Variants in PIAS4 observed in about 807,000 individuals in gnomAD.
PIAS4 encodes the protein protein inhibitor of activated STAT 4.
PIAS4 carries 7 observed loss-of-function variants against 58.0 expected under a neutral mutation model. The ratio of observed to expected loss-of-function variants is 0.12; its 90% confidence interval spans 0.07 to 0.23. The LOEUF (loss-of-function observed/expected upper bound fraction) is 0.23, where lower values mean the gene tolerates loss of function less well. PIAS4 is among the 10% of genes least tolerant of loss of function. The pLI, the probability that PIAS4 is intolerant of heterozygous loss-of-function variation, is 1.00. For synonymous variants in PIAS4, 364 were observed against 312.4 expected, an observed-to-expected ratio of 1.17 and a Z score of -1.74; for missense variants, 550 against 709.5, an observed-to-expected ratio of 0.78 and a Z score of 2.55.
At chr19:4,017,679 G>A (rs1186075900) in intron 2 of PIAS4, 1 of 82,364 alleles carries the variant, frequency 1.2e-5, no homozygotes, top group Non-Finnish European at 2.3e-5. Flanking sequence ...CATCCGATCA[G>A]CTTTTTTTTT....
intron 2 of PIAS4, chr19:4,018,350 C>T (rs1228917293): frequency 6.6e-6 from 1 of 152,246 alleles, no homozygotes; most frequent in Admixed American, 6.5e-5. Flanking sequence ...ATACTGTGAG[C>T]ATCTGCTCAC....
intron 6 of PIAS4, 38 bp from the exon 7 acceptor site, chr19:4,028,893 C>T (rs374902045): frequency 5.0e-6 from 8 of 1,612,464 alleles, no homozygotes; most frequent in Non-Finnish European, 6.8e-6. Flanking sequence ...AACCCCGGCC[C>T]CGTCCTGCCA....
chr19:4,011,625 C>CGTGTGGAGGTGTGTTTG (rs1324336848), intron 1 of PIAS4, among the ~76,000 whole-genome samples: 13 of 150,910 alleles, frequency 8.6e-5, no homozygotes, highest in Admixed American at 4.0e-4. Context: ...CTCAGGGCAA[C>CGTGTGGAGGTGTGTTTG]GTGTGGAGGT....
intron 3 of PIAS4, among the ~76,000 whole-genome samples, chr19:4,027,143 C>T (rs1178280751): frequency 6.6e-6 from 1 of 152,084 alleles, no homozygotes; most frequent in Non-Finnish European, 1.5e-5. Flanking sequence ...TGAGCCACTG[C>T]ACCTGGCCTA....
intron 9 of PIAS4, among the ~76,000 whole-genome samples, chr19:4,035,271 T>C (rs2040262827): frequency 6.6e-6 from 1 of 152,076 alleles, no homozygotes; most frequent in Non-Finnish European, 1.5e-5. Flanking sequence ...GGAGCAGCTG[T>C]AGCCTTGACA....
rs973842956 is a variant in PIAS4 at position 4,022,512 on chromosome 19, G to A, written c.455-1524G>A. 3.3e-5 allele frequency among the ~76,000 whole-genome samples: 5 copies of A among 151,736 alleles called. No homozygotes were observed. The East Asian group carries it at 5.9e-4, about 18-fold the overall frequency. Reference sequence around the variant, plus strand: ...CTCCCTAGTAGCTGGGACTGCAGGCGCCTGCCACTACACCCAGCTAATTTT... The same window carrying A: ...CTCCCTAGTAGCTGGGACTGCAGGCACCTGCCACTACACCCAGCTAATTTT... On this transcript the variant is annotated intron_variant, in intron 2 of 10. Transcript: ENST00000262971.
Position 4,033,738 on chromosome 19 carries a change from G to A in PIAS4, c.1142+158G>A, listed in dbSNP as rs370225251. On this transcript the variant is annotated intron_variant, in intron 9 of 10. Transcript: ENST00000262971. ...GAAACCCCGGGCTGCGAAAAGAGCC[G>A]GTTTCTTTCTCGCGGAACTTCTCAG... is the stretch of plus-strand genomic sequence containing the variant. Among the ~76,000 whole-genome samples the A allele has an allele frequency of 4.0e-4, 61 of 152,290 alleles. 1 individual carries two copies. The South Asian group carries it at 4.8e-3, about 12-fold the overall frequency.
At chr19:4,009,852 C>G (rs1240201033) in intron 1 of PIAS4, among the ~76,000 whole-genome samples, 2 of 152,164 alleles carry the variant, frequency 1.3e-5, no homozygotes, top group African/African-American at 4.8e-5. Context: ...AGACTCTCAG[C>G]TTGAGGCCTG....
chr19:4,029,006 G>T lies in PIAS4; in HGVS notation c.877G>T (p.Val293Leu). 1 of 1,609,020 alleles carries T rather than the reference G, an allele frequency of 6.2e-7. No homozygotes were observed. The highest frequency in any genetic ancestry group is 1.1e-5 in the South Asian group (1 of 90,324). Residue 293 changes from valine to leucine, a missense_variant, in exon 7 of 11, where the codon GTA becomes TTA. Val to Leu is a conservative substitution (Grantham distance 32). This residue lies in a region of PIAS4 where 225 missense variants were observed against 345.8 expected (regional missense o/e 0.65). Transcript: ENST00000262971. ...GCTGCAGAGGCTGAAGACCATTGGGGTAAAGCACCCGGAGCTGTGCAAGGC... is the reference window on the plus strand; with the variant it reads ...GCTGCAGAGGCTGAAGACCATTGGGTTAAAGCACCCGGAGCTGTGCAAGGC... ...ELLQRLKTIG[V>L]KHPELCKALV...
chr19:4,035,152 A>ACT, intron 9 of PIAS4, among the ~76,000 whole-genome samples: 1 of 152,122 alleles, frequency 6.6e-6, no homozygotes, highest in East Asian at 1.9e-4. Flanking sequence ...CCTCAGAGAG[A>ACT]GCTCGGCGGG....
intron 3 of PIAS4, among the ~76,000 whole-genome samples, chr19:4,024,927 G>A (rs753191342): frequency 2.0e-5 from 3 of 152,120 alleles, no homozygotes; most frequent in East Asian, 1.9e-4. Flanking sequence ...TACCACGCCC[G>A]GCTAATCTTG....
intron 7 of PIAS4, among the ~76,000 whole-genome samples, chr19:4,030,119 G>A (rs948761157): frequency 1.4e-5 from 2 of 145,066 alleles, no homozygotes; most frequent in Non-Finnish European, 3.0e-5. Context: ...ACCACGCCCG[G>A]CCCCAACTAA....
intron 9 of PIAS4, among the ~76,000 whole-genome samples, chr19:4,036,784 A>ATCTATACAGTC (rs2040299013): frequency 6.7e-6 from 1 of 148,992 alleles, no homozygotes; most frequent in African/African-American, 2.4e-5. Context: ...ACACACACAC[A>ATCTATACAGTC]CACATCTATA....
At chr19:4,034,801 G>A (rs534459097) in intron 9 of PIAS4, among the ~76,000 whole-genome samples, 6 of 152,314 alleles carry the variant, frequency 3.9e-5, no homozygotes, top group African/African-American at 9.6e-5. Context: ...GGGACTCGGT[G>A]TAGCCAGGGA....
chr19:4,026,708 A>G (rs1446566591), intron 3 of PIAS4, among the ~76,000 whole-genome samples: 1 of 151,570 alleles, frequency 6.6e-6, no homozygotes, highest in Non-Finnish European at 1.5e-5. Flanking sequence ...TTTAAGACAG[A>G]ATCTCACTCT....
chr19:4,009,090 A>G (rs1448452449), intron 1 of PIAS4, among the ~76,000 whole-genome samples: 1 of 152,130 alleles, frequency 6.6e-6, no homozygotes, highest in Non-Finnish European at 1.5e-5. Flanking sequence ...TAAAACCCTT[A>G]GAAGTGCCCG....
intron 8 of PIAS4, 39 bp downstream of exon 8, chr19:4,033,212 G>T: frequency 6.3e-7 from 1 of 1,578,544 alleles, no homozygotes. Context: ...GGCCTCTCCT[G>T]CGGCCGGCCT....
chr19:4,011,401 G>C (rs2039990638), intron 1 of PIAS4, among the ~76,000 whole-genome samples: 1 of 152,228 alleles, frequency 6.6e-6, no homozygotes, highest in South Asian at 2.1e-4. Context: ...TTCCCCTTCA[G>C]GGTCCTACCC....
rs1450432746 is a variant in PIAS4 at position 4,013,511 on chromosome 19, C to T, written c.454+162C>T. Among the ~76,000 whole-genome samples the T allele has an allele frequency of 6.6e-6, 1 of 152,150 alleles. No individual in the cohort carries two copies. The highest frequency in any genetic ancestry group is 2.4e-5 in the African/African-American group (1 of 41,432). ...GTGTCCTTCCTCGGAAGCAAAGGGA[C>T]CATCTTTGATATTGGTCACCCCTTG... is the stretch of plus-strand genomic sequence containing the variant. On this transcript the variant is annotated intron_variant, in intron 2 of 10. Transcript: ENST00000262971. This position sits in a 1 kb window ranked among gnomAD's most constrained non-coding sequence, Gnocchi z 5.1.
Sources: gnomAD v4.1 joint callset for allele counts (sites outside exome capture counted in the v4.1 genomes callset) on GRCh38, gnomAD v4.1.1 for gene constraint, gnomAD v4.1.1 regional missense constraint, Gnocchi (gnomAD v3.1) non-coding constraint, MANE v1.5 for transcripts, NCBI Gene and HGNC (gene_info 2026-07-23, HGNC 2026-07-21) for gene names.